Variants in CCNH observed in about 807,000 individuals in gnomAD.
The protein encoded by CCNH is cyclin-H.
A neutral mutation model predicts 41.9 loss-of-function variants in CCNH; 31 were observed. The observed-to-expected ratio is 0.74, with a 90% CI of 0.56 to 1.00. The LOEUF (loss-of-function observed/expected upper bound fraction) is 1.00, where lower values mean the gene tolerates loss of function less well. CCNH is among the 50% of genes least tolerant of loss of function. The probability of loss-of-function intolerance (pLI) is 0.00; values close to 1 mark genes in which losing one functional copy is unlikely to be tolerated. For synonymous variants in CCNH, 138 were observed against 136.1 expected (o/e 1.01, Z -0.10); for missense variants, 362 against 388.4 (o/e 0.93, Z 0.57).
chr5:87,399,637 C>T, intron 6 of CCNH, 132 bp from the exon 7 acceptor site: 1 of 652,618 alleles, frequency 1.5e-6, no homozygotes, highest in Non-Finnish European at 2.7e-6. Flanking sequence ...TCAGGATTTG[C>T]ATCATTCTGC....
rs778474752 is a variant in CCNH at position 87,404,892 on chromosome 5, A to G, written c.641T>C (p.Leu214Pro). Residue 214 changes from leucine to proline, a missense_variant, in exon 5 of 9, where the codon CTG becomes CCG. Physicochemically the swap from Leu to Pro is moderately conservative, Grantham distance 98 (BLOSUM62 -3). Coordinates refer to ENST00000256897, the MANE Select transcript of CCNH (RefSeq NM_001239.4). ...GGAGGCACTAGATAAAATGGCAGTC[A>G]GGGCAATTTGGGAAGGTGTGTATAA... ...YLLYTPSQIA[L>P]TAILSSASRA... The G allele has an allele frequency of 5.6e-6, 9 of 1,613,724 alleles. No individual in the cohort carries two copies.
At chr5:87,352,908 GC>G (rs1759378481) in intron 9 of CCNH, among the ~76,000 whole-genome samples, 1 of 151,818 alleles carries the variant, frequency 6.6e-6, no homozygotes, top group Non-Finnish European at 1.5e-5. Context: ...TGACCTGGCT[GC>G]CCACTTGATG....
chr5:87,393,026 T>C (rs1168089706), downstream of CCNH: 4 of 152,006 alleles, frequency 2.6e-5, no homozygotes, highest in African/African-American at 4.8e-5. Context: ...CACTCTGCTT[T>C]TGTAAAAATC....
At chr5:87,351,615 G>A (rs1376491210) in intron 9 of CCNH, among the ~76,000 whole-genome samples, 5 of 151,780 alleles carry the variant, frequency 3.3e-5, no homozygotes, top group Admixed American at 1.3e-4. Context: ...AGTTTTCTGA[G>A]ATGTAAATCT....
upstream of CCNH, chr5:87,380,678 C>A: frequency 8.0e-7 from 1 of 1,254,402 alleles, no homozygotes; most frequent in Non-Finnish European, 1.2e-6. Flanking sequence ...ATATACAATT[C>A]AATGCTTTTT....
chr5:87,387,092 C>A (rs978635985), downstream of CCNH, among the ~76,000 whole-genome samples: 2 of 152,256 alleles, frequency 1.3e-5, no homozygotes, highest in Admixed American at 6.5e-5. Flanking sequence ...TTTATTCTTA[C>A]ACTAAATAGT....
chr5:87,405,010 A>G lies in CCNH; in HGVS notation c.526-3T>C, dbSNP rs1232194196. On this transcript the variant is annotated splice_region_variant and splice_polypyrimidine_tract_variant and intron_variant, in intron 4 of 8. Transcript: ENST00000256897. ...TTCTCCAATATGGGATAGCGGGTCT[A>G]CAAAGAAAGTTTGCAAATGTTACCA... 5 of 1,605,378 alleles carry G rather than the reference A, an allele frequency of 3.1e-6. No individual in the cohort carries two copies. Among genetic ancestry groups the G allele is most frequent in the Admixed American group, 1.7e-5 (1 of 57,976 alleles).
intron 9 of CCNH, among the ~76,000 whole-genome samples, chr5:87,359,130 C>T (rs1214939375): frequency 6.6e-6 from 1 of 152,156 alleles, no homozygotes; most frequent in Non-Finnish European, 1.5e-5. Flanking sequence ...TCAAGAACTA[C>T]AACAGTGCCT....
At chr5:87,352,178 T>A (rs1437574284) in intron 9 of CCNH, among the ~76,000 whole-genome samples, 1 of 151,760 alleles carries the variant, frequency 6.6e-6, no homozygotes, top group Non-Finnish European at 1.5e-5. Flanking sequence ...AAATGCTGCT[T>A]CTGGTATTAA....
downstream of CCNH, chr5:87,393,357 ATAGT>A (rs907242735): frequency 2.0e-5 from 3 of 152,184 alleles, no homozygotes; most frequent in Admixed American, 6.5e-5. Context: ...TCCAATTATA[ATAGT>A]TAACACTTAC....
At chr5:87,350,571 A>G (rs1463269101) in intron 9 of CCNH, among the ~76,000 whole-genome samples, 1 of 151,788 alleles carries the variant, frequency 6.6e-6, no homozygotes, top group African/African-American at 2.4e-5. Flanking sequence ...AAAACTGGAA[A>G]TTCTTCCTAC....
intron 9 of CCNH, among the ~76,000 whole-genome samples, chr5:87,359,347 C>T (rs979221471): frequency 4.6e-5 from 7 of 152,148 alleles, no homozygotes; most frequent in African/African-American, 1.4e-4. Flanking sequence ...AACTATCTCT[C>T]AGGCTGAGAA....
At chr5:87,313,341 G>A in the CCNH span, among the ~76,000 whole-genome samples, 5 of 152,162 alleles carry the variant, frequency 3.3e-5, no homozygotes, top group Non-Finnish European at 5.9e-5. Flanking sequence ...AACTACCACA[G>A]GGTAGGAGGA....
At chr5:87,362,705 T>C in intron 9 of CCNH, 1 of 1,590,830 alleles carries the variant, frequency 6.3e-7, no homozygotes, top group Non-Finnish European at 8.6e-7. Flanking sequence ...ACCCATTTGA[T>C]AGAGACGTTG....
upstream of CCNH, chr5:87,378,451 G>C (rs752843047): frequency 6.2e-7 from 1 of 1,612,556 alleles, no homozygotes; most frequent in Non-Finnish European, 8.5e-7. Flanking sequence ...TGATGGAGCA[G>C]TATATGAAAG....
intron 9 of CCNH, among the ~76,000 whole-genome samples, chr5:87,367,403 TAGA>T (rs1201633871): frequency 3.3e-5 from 5 of 152,228 alleles, no homozygotes; most frequent in African/African-American, 4.8e-5. Context: ...CTTTAGCATT[TAGA>T]AGAAGACTAA....
downstream of CCNH, chr5:87,389,503 C>A (rs1165923340): frequency 1.2e-6 from 2 of 1,614,066 alleles, no homozygotes; most frequent in South Asian, 2.2e-5. Context: ...TTCGAACGCT[C>A]AGTAATGAGC....
At chr5:87,390,486 A>T (rs369776745), downstream of CCNH, among the ~76,000 whole-genome samples, 4 of 151,870 alleles carry the variant, frequency 2.6e-5, no homozygotes, top group South Asian at 2.1e-4. Flanking sequence ...GATATTAAAT[A>T]AAAAAAGCCT....
At chr5:87,383,928 C>CCTTGTG (rs1761899909) in intron 9 of CCNH, 1 of 725,526 alleles carries the variant, frequency 1.4e-6, no homozygotes, top group South Asian at 1.9e-5. Context: ...ACCCTTCCTT[C>CCTTGTG]CTTGTGCTTG....
Sources: allele counts gnomAD v4.1 joint callset (sites outside exome capture counted in the v4.1 genomes callset), GRCh38; gene constraint gnomAD v4.1.1; transcripts MANE v1.5; gene names NCBI Gene and HGNC (gene_info 2026-07-23, HGNC 2026-07-21).